NT5C1B: variants seen among roughly 807,000 people sequenced by gnomAD.
NT5C1B encodes 5'-nucleotidase, cytosolic IB, also known as cytosolic 5'-nucleotidase 1B.
A neutral mutation model predicts 57.8 loss-of-function variants in NT5C1B; 44 were observed. The observed-to-expected ratio is 0.76, with a 90% CI of 0.60 to 0.98. The LOEUF (loss-of-function observed/expected upper bound fraction) is 0.98, where lower values mean the gene tolerates loss of function less well. NT5C1B is among the 50% of genes least tolerant of loss of function. The pLI is 0.00. For missense variants in NT5C1B, 742 were observed against 719.5 expected, an observed-to-expected ratio of 1.03 and a Z score of -0.36; for synonymous variants, 284 against 282.6, an observed-to-expected ratio of 1.00 and a Z score of -0.05.
chr2:18,587,442 C>A, intron 2 of NT5C1B, 61 bp downstream of exon 2: 2 of 1,595,286 alleles, frequency 1.3e-6, no homozygotes, highest in Admixed American at 3.5e-5. Context: ...TGCCCCCTAA[C>A]ATTTTCCATT....
intron 8 of NT5C1B, 34 bp from the exon 9 acceptor site, chr2:18,564,153 AG>A: frequency 6.6e-7 from 1 of 1,511,916 alleles, no homozygotes; most frequent in Non-Finnish European, 8.8e-7. Context: ...GCTGTGATAC[AG>A]TGAGCCAAAG....
intron 8 of NT5C1B, among the ~76,000 whole-genome samples, chr2:18,569,646 T>A (rs1430170664): frequency 6.6e-6 from 1 of 151,988 alleles, no homozygotes; most frequent in Admixed American, 6.6e-5. Context: ...TTAATTAAGA[T>A]TAAGACAATA....
At chr2:18,565,401 G>C (rs1295311360) in intron 8 of NT5C1B, among the ~76,000 whole-genome samples, 1 of 152,086 alleles carries the variant, frequency 6.6e-6, no homozygotes, top group African/African-American at 2.4e-5. Flanking sequence ...TGAGAATATA[G>C]TATATTCTCA....
At chr2:18,589,563 T>G (rs1458311487) in exon 1 of NT5C1B, 1 of 1,571,830 alleles carries the variant, frequency 6.4e-7, no homozygotes, top group Admixed American at 1.7e-5. Flanking sequence ...AGCTTTGCAT[T>G]TAGAATGTCA....
intron 8 of NT5C1B, among the ~76,000 whole-genome samples, chr2:18,574,727 A>G (rs1480084283): frequency 1.3e-5 from 2 of 152,088 alleles, no homozygotes; most frequent in African/African-American, 4.8e-5. Flanking sequence ...TAAATTCTAG[A>G]GATCTGCTGT....
chr2:18,579,901 A>C (rs1249803329), intron 6 of NT5C1B, among the ~76,000 whole-genome samples: 1 of 152,234 alleles, frequency 6.6e-6, no homozygotes, highest in East Asian at 1.9e-4. Flanking sequence ...ACAAAGGTCA[A>C]AAATCCAGAA....
At chr2:18,587,335 G>C (rs1405498544) in intron 2 of NT5C1B, 168 bp downstream of exon 2, 1 of 985,312 alleles carries the variant, frequency 1.0e-6, no homozygotes, top group African/African-American at 1.7e-5. Context: ...GGGGAAGGCA[G>C]GGCCCAACCT....
intron 2 of NT5C1B, chr2:18,587,139 C>T: frequency 6.2e-7 from 1 of 1,614,002 alleles, no homozygotes; most frequent in Non-Finnish European, 8.5e-7. Flanking sequence ...GGGGCAACAT[C>T]TCAGCGAGTG....
chr2:18,581,637 A>C (rs1572363144), intron 6 of NT5C1B, among the ~76,000 whole-genome samples: 1 of 152,258 alleles, frequency 6.6e-6, no homozygotes, highest in Admixed American at 6.5e-5. Flanking sequence ...TGTGGCACAA[A>C]AGTGTATTCT....
chr2:18,586,513 C>T (rs1558390445), intron 2 of NT5C1B, 122 bp from the exon 3 acceptor site: 4 of 1,404,300 alleles, frequency 2.8e-6, no homozygotes, highest in Non-Finnish European at 3.8e-6. Flanking sequence ...GATCCCTGGC[C>T]TCAATGACTC....
intron 1 of NT5C1B, among the ~76,000 whole-genome samples, chr2:18,589,099 T>C (rs866084483): frequency 1.3e-5 from 2 of 152,234 alleles, no homozygotes; most frequent in South Asian, 4.1e-4. Context: ...CTATTGTCTT[T>C]CCTACTAGGC....
chr2:18,584,866 T>A lies in NT5C1B; in HGVS notation c.371A>T (p.Gln124Leu). 1.2e-6 allele frequency: 2 copies of A among 1,601,054 alleles called. No homozygotes were observed. The highest frequency in any genetic ancestry group is 1.7e-6 in the Non-Finnish European group (2 of 1,175,638). ...CCGCGAGTCCAGCGACCGGGGCAGC[T>A]GGGGCGACGCGGGTGGCTGGAGCGA... is the stretch of plus-strand genomic sequence containing the variant. The change falls in exon 4 of 9, where the codon CAG becomes CTG. Residue 124 changes from glutamine to leucine, a missense_variant. Gln to Leu is a moderately radical substitution (Grantham distance 113, BLOSUM62 -2). Transcript: ENST00000304081. The surrounding 1 kb of genome is among the most constrained non-coding windows in gnomAD (Gnocchi z 5.8).
intron 1 of NT5C1B, 146 bp downstream of exon 1, chr2:18,589,293 T>C (rs1248241519): frequency 2.2e-5 from 24 of 1,093,398 alleles, no homozygotes; most frequent in Non-Finnish European, 3.1e-5. Context: ...CCATTGCCTT[T>C]ATTCTCTCCC....
At chr2:18,571,216 C>T (rs1665122040) in intron 8 of NT5C1B, among the ~76,000 whole-genome samples, 1 of 152,102 alleles carries the variant, frequency 6.6e-6, no homozygotes, top group Admixed American at 6.6e-5. Flanking sequence ...AGATATACAG[C>T]ATGGAAACAC....
intron 8 of NT5C1B, among the ~76,000 whole-genome samples, chr2:18,572,083 CAAAAAAA>C (rs34186303): frequency 1.0e-5 from 1 of 97,436 alleles, no homozygotes; most frequent in Non-Finnish European, 2.1e-5. Flanking sequence ...GAGACTCTGT[CAAAAAAA>C]AAAAAAAAAA....
At chr2:18,583,995 G>T in intron 5 of NT5C1B, 93 bp downstream of exon 5, 1 of 1,606,634 alleles carries the variant, frequency 6.2e-7, no homozygotes, top group Non-Finnish European at 8.5e-7. Context: ...GGCTAGGAAT[G>T]ATCTGGGAAA....
intron 8 of NT5C1B, among the ~76,000 whole-genome samples, chr2:18,570,545 G>T (rs1335218056): frequency 6.6e-6 from 1 of 151,492 alleles, no homozygotes; most frequent in African/African-American, 2.4e-5. Flanking sequence ...AATGAGAAAA[G>T]GAAGAAAAAG....
intron 2 of NT5C1B, chr2:18,586,616 C>T (rs1666734173): frequency 1.6e-5 from 11 of 677,504 alleles, no homozygotes; most frequent in Admixed American, 3.1e-5. Context: ...CTTGAAAGAG[C>T]ATCCAAAACC....
Position 18,588,827 on chromosome 2 carries a change from C to G in NT5C1B, c.30+612G>C, listed in dbSNP as rs142653538. 2.8e-3 allele frequency among the ~76,000 whole-genome samples: 428 copies of G among 152,242 alleles called. 3 individuals carry two copies. Among genetic ancestry groups the G allele is most frequent in the African/African-American group, 9.6e-3 (399 of 41,540 alleles). On this transcript the variant is annotated intron_variant, in intron 1 of 8. Transcript: ENST00000304081. ...TAAACACTTTCTTCACTTGGTTTGACCAGGAGCCTCATGATGTTTTCCTGT... is the reference window on the plus strand; with the variant it reads ...TAAACACTTTCTTCACTTGGTTTGAGCAGGAGCCTCATGATGTTTTCCTGT...
Sources: allele counts gnomAD v4.1 joint callset (sites outside exome capture counted in the v4.1 genomes callset), GRCh38; gene constraint gnomAD v4.1.1; non-coding constraint Gnocchi (gnomAD v3.1); transcripts MANE v1.5; gene names NCBI Gene and HGNC (gene_info 2026-07-23, HGNC 2026-07-21).